Variants in VWF observed in about 807,000 individuals in gnomAD.
VWF encodes the protein Factor VIII related antigen.
VWF carries 176 observed loss-of-function variants against 308.6 expected under a neutral mutation model. That is an observed-to-expected ratio of 0.57 (90% confidence interval 0.50 to 0.65). VWF has a LOEUF of 0.65. Ranked by LOEUF, VWF falls within the 30% of genes least tolerant of loss-of-function variation. The pLI is 0.00. For synonymous variants in VWF, 1,385 were observed against 1,443.4 expected (o/e 0.96, Z 0.92); for missense variants, 3,146 against 3,648.2 (o/e 0.86, Z 3.55).
intron 6 of VWF, among the ~76,000 whole-genome samples, chr12:6,079,053 G>T (rs1944875524): frequency 1.3e-5 from 2 of 152,304 alleles, no homozygotes; most frequent in Admixed American, 6.5e-5. Flanking sequence ...TCTGCCTAGG[G>T]TTTCTTTCTT....
intron 5 of VWF, among the ~76,000 whole-genome samples, chr12:6,104,511 C>G (rs1010808867): frequency 6.6e-6 from 1 of 151,742 alleles, no homozygotes; most frequent in Non-Finnish European, 1.5e-5. Flanking sequence ...CATGGTGAAA[C>G]CCCGCCTCTA....
rs1251595660 is a variant in VWF at position 6,063,322 on chromosome 12, AG to A, written c.1433-269del. Among the ~76,000 whole-genome samples, 1 of 152,052 alleles carries A rather than the reference AG, an allele frequency of 6.6e-6. No homozygotes were observed. Among genetic ancestry groups the A allele is most frequent in the Non-Finnish European group, 1.5e-5 (1 of 68,012 alleles). ...CATTCCCCCTACTGCCACAGGAGGG[AG>A]GCAGAGGCTCCTGCATCCTGGGCTG... is the stretch of plus-strand genomic sequence containing the variant. On this transcript the variant is annotated intron_variant, in intron 12 of 51. Coordinates refer to ENST00000261405, the MANE Select transcript of VWF (RefSeq NM_000552.5). The surrounding 1 kb of genome is among the most constrained non-coding windows in gnomAD (Gnocchi z 4.9).
intron 26 of VWF, 89 bp from the exon 27 acceptor site, chr12:6,022,124 C>T (rs1420847168): frequency 6.3e-7 from 1 of 1,590,432 alleles, no homozygotes; most frequent in Non-Finnish European, 8.6e-7. Flanking sequence ...GAGCCAACTC[C>T]TCCTCCTGCC....
In VWF at chr12:6,110,933, C is replaced by T. The variant is rs140044866; in HGVS notation, c.256G>A (p.Val86Met). 4.5e-5 allele frequency: 72 copies of T among 1,614,008 alleles called. No individual in the cohort carries two copies. The highest frequency in any genetic ancestry group is 1.5e-4 in the African/African-American group (11 of 74,912). Residue 86 changes from valine (V) to methionine (M), a missense_variant, in exon 4 of 52, where the codon GTG (valine) becomes ATG (methionine). This residue lies in a region of VWF where 1,304 missense variants were observed against 1,353.0 expected (regional missense o/e 0.96). Coordinates refer to ENST00000261405, the MANE Select transcript of VWF (RefSeq NM_000552.5). The stretch of plus-strand genomic sequence containing the variant: ...ATGTCAAAAAATTCCCCAAGATACA[C>T]GGAGAGGCTCACTCTCTTGCCATTC... ...FQNGKRVSLSVYLGEFFDIHL... is the reference protein window; with the variant it reads ...FQNGKRVSLSMYLGEFFDIHL...
chr12:6,053,997 C>T (rs1024354513), intron 15 of VWF, among the ~76,000 whole-genome samples: 5 of 152,178 alleles, frequency 3.3e-5, no homozygotes, highest in African/African-American at 9.7e-5. Context: ...AATGCCTTCC[C>T]TGTGCAGACC....
chr12:6,072,033 A>G (rs1203583828), intron 9 of VWF, among the ~76,000 whole-genome samples: 2 of 152,332 alleles, frequency 1.3e-5, no homozygotes, highest in East Asian at 1.9e-4. Flanking sequence ...TCCAGGGGGA[A>G]AGGATCATTT....
Position 5,967,775 on chromosome 12 carries a change from A to G in VWF, c.7771-173T>C, listed in dbSNP as rs216851. 1 allele frequency among the ~76,000 whole-genome samples: 151,685 copies of G among 152,242 alleles called. 75,566 individuals are homozygous for G. Among genetic ancestry groups the G allele is most frequent in the Middle Eastern group, 1 (294 of 294 alleles). ...TTCCCGTCCTCCCACCTCCAGTATC[A>G]AGATGGTAAGAGTGAGAACTTTCAT... On this transcript the variant is annotated intron_variant, in intron 46 of 51. Coordinates refer to ENST00000261405, the MANE Select transcript of VWF (RefSeq NM_000552.5).
intron 22 of VWF, among the ~76,000 whole-genome samples, chr12:6,028,828 G>A (rs981871251): frequency 6.6e-6 from 1 of 152,242 alleles, no homozygotes; most frequent in East Asian, 1.9e-4. Flanking sequence ...AAAGACCATC[G>A]ATGCTACGAA....
chr12:6,001,213 C>G (rs569709434), intron 34 of VWF, among the ~76,000 whole-genome samples: 3 of 152,216 alleles, frequency 2.0e-5, no homozygotes, highest in Admixed American at 6.5e-5. Flanking sequence ...TTCCTAGACA[C>G]CTTAACGTAT....
At chr12:6,006,364 G>C (rs1449957455) in intron 34 of VWF, among the ~76,000 whole-genome samples, 1 of 152,164 alleles carries the variant, frequency 6.6e-6, no homozygotes, top group Non-Finnish European at 1.5e-5. Flanking sequence ...CTACAAGACT[G>C]ACTGAAAATA....
chr12:6,092,603 T>G (rs2058222), intron 6 of VWF, among the ~76,000 whole-genome samples: 13,665 of 65,154 alleles, frequency 0.21, 1,362 homozygotes, highest in African/African-American at 0.46. Context: ...CCCAGCTAGT[T>G]AGTGAGTGAG....
chr12:6,110,139 T>A (rs902127246), intron 5 of VWF, among the ~76,000 whole-genome samples: 5 of 152,178 alleles, frequency 3.3e-5, no homozygotes, highest in African/African-American at 1.2e-4. Flanking sequence ...CACGTGCAAG[T>A]TGCTACAGAG....
chr12:6,097,049 T>C (rs569252030), intron 5 of VWF, among the ~76,000 whole-genome samples: 2 of 152,344 alleles, frequency 1.3e-5, no homozygotes, highest in African/African-American at 2.4e-5. Flanking sequence ...TTATCTCATA[T>C]GGCAAAAGAT....
At chr12:6,005,984 CAA>C (rs35551203) in intron 34 of VWF, among the ~76,000 whole-genome samples, 31,369 of 152,010 alleles carry the variant, frequency 0.21, 3,563 homozygotes, top group East Asian at 0.37. Context: ...ACTATAATGA[CAA>C]TGTGTAAATC....
At chr12:6,006,575 C>T (rs901146041) in intron 34 of VWF, among the ~76,000 whole-genome samples, 3 of 152,068 alleles carry the variant, frequency 2.0e-5, no homozygotes, top group African/African-American at 7.2e-5. Context: ...ATCAGGAGAT[C>T]GAGACCATCC....
chr12:6,064,758 G>A (rs1338108755), intron 11 of VWF, among the ~76,000 whole-genome samples: 1 of 152,164 alleles, frequency 6.6e-6, no homozygotes, highest in Non-Finnish European at 1.5e-5. Context: ...CAGAAAGGAA[G>A]CCACACATGT....
intron 12 of VWF, 133 bp downstream of exon 12, chr12:6,064,113 A>C: frequency 6.8e-7 from 1 of 1,469,194 alleles, no homozygotes; most frequent in African/African-American, 1.4e-5. Flanking sequence ...CCTGCCCTCC[A>C]AAAATAACTC....
At chr12:5,959,179 G>A (rs1943283056) in intron 47 of VWF, among the ~76,000 whole-genome samples, 1 of 152,090 alleles carries the variant, frequency 6.6e-6, no homozygotes, top group Non-Finnish European at 1.5e-5. Flanking sequence ...TTCACTCCAG[G>A]CCTGGGCGAC....
intron 18 of VWF, among the ~76,000 whole-genome samples, chr12:6,041,927 CCT>C (rs1166446271): frequency 1.2e-4 from 18 of 152,320 alleles, no homozygotes; most frequent in African/African-American, 4.1e-4. Context: ...ATGGGTGCAG[CCT>C]CTGAGACAGC....
Sources: allele counts gnomAD v4.1 joint callset (sites outside exome capture counted in the v4.1 genomes callset), GRCh38; gene constraint gnomAD v4.1.1; regional missense constraint gnomAD v4.1.1; non-coding constraint Gnocchi (gnomAD v3.1); transcripts MANE v1.5; gene names NCBI Gene and HGNC (gene_info 2026-07-23, HGNC 2026-07-21).